The following TRHDE variants were observed in gnomAD, a reference collection of about 807,000 sequenced individuals.
TRHDE encodes the protein thyrotropin releasing hormone degrading enzyme.
In TRHDE, 72 loss-of-function variants were observed where a neutral mutation model predicts 125.7. The observed-to-expected ratio is 0.57, with a 90% CI of 0.47 to 0.70. TRHDE has a LOEUF of 0.70. TRHDE is among the 30% of genes least tolerant of loss of function. The probability of loss-of-function intolerance (pLI) is 0.00; values close to 1 mark genes in which losing one functional copy is unlikely to be tolerated. For missense variants in TRHDE, 1,110 were observed against 1,327.1 expected (o/e 0.84, Z 2.54); for synonymous variants, 509 against 509.1 (o/e 1.00, Z 0.00).
Position 72,193,760 on chromosome 12 carries a change from A to G in TRHDE, n.279+88008A>G, listed in dbSNP as rs1057207039. ...AAATACACAGTATGGTGGAGTTTAA[A>G]AAATGAAAAAAATAAAGAGATATGT... On this transcript the variant is annotated intron_variant and non_coding_transcript_variant, in intron 2 of 4. Coordinates refer to the TRHDE transcript ENST00000548156. 2.0e-5 allele frequency among the ~76,000 whole-genome samples: 3 copies of G among 152,174 alleles called. No individual in the cohort carries two copies. The South Asian group carries it at 6.2e-4, about 31-fold the overall frequency.
chr12:72,364,504 T>A (rs1871262913), intron 2 of TRHDE, among the ~76,000 whole-genome samples: 1 of 152,044 alleles, frequency 6.6e-6, no homozygotes, highest in African/African-American at 2.4e-5. Context: ...GATTTCTACT[T>A]GTTTGGTTCA....
intron 13 of TRHDE, among the ~76,000 whole-genome samples, chr12:72,620,708 T>C (rs1266273126): frequency 6.6e-6 from 1 of 152,162 alleles, no homozygotes; most frequent in Non-Finnish European, 1.5e-5. Flanking sequence ...GCATTAAATA[T>C]GCCTTGTTGA....
intron 17 of TRHDE, among the ~76,000 whole-genome samples, chr12:72,654,418 G>A (rs544450009): frequency 3.7e-4 from 56 of 152,166 alleles, no homozygotes; most frequent in African/African-American, 1.3e-3. Context: ...TGGCATTCAC[G>A]GAGCTCTGTT....
At chr12:72,367,039 T>C (rs1871365500) in intron 2 of TRHDE, among the ~76,000 whole-genome samples, 1 of 152,054 alleles carries the variant, frequency 6.6e-6, no homozygotes, top group South Asian at 2.1e-4. Context: ...GGTTTTGAGG[T>C]AGTTGTGGTT....
chr12:72,486,344 C>T (rs1877406475), intron 5 of TRHDE, among the ~76,000 whole-genome samples: 1 of 152,180 alleles, frequency 6.6e-6, no homozygotes, highest in Admixed American at 6.5e-5. Context: ...TTTCTCTGAT[C>T]ACCTGTGCTT....
chr12:72,357,118 T>A (rs541284221), intron 2 of TRHDE, among the ~76,000 whole-genome samples: 1 of 151,576 alleles, frequency 6.6e-6, no homozygotes, highest in Non-Finnish European at 1.5e-5. Flanking sequence ...CCCAAAGCAA[T>A]TTACAGATTC....
intron 3 of TRHDE, among the ~76,000 whole-genome samples, chr12:72,396,517 G>A (rs935306266): frequency 3.3e-5 from 5 of 152,048 alleles, no homozygotes; most frequent in Admixed American, 6.5e-5. Flanking sequence ...AGGCTGAGGC[G>A]GGTGGATCAT....
chr12:72,582,608 G>C, intron 12 of TRHDE: 2 of 985,414 alleles, frequency 2.0e-6, no homozygotes, highest in South Asian at 9.4e-5. Context: ...ACCCTGGCTA[G>C]ATGAGTAGCA....
chr12:72,428,033 T>C (rs1030850339), intron 3 of TRHDE, among the ~76,000 whole-genome samples: 3 of 152,104 alleles, frequency 2.0e-5, no homozygotes, highest in East Asian at 1.9e-4. Flanking sequence ...TCAGACAACA[T>C]AGAACAAAGA....
intron 2 of TRHDE, among the ~76,000 whole-genome samples, chr12:72,173,629 A>G (rs181491411): frequency 2.6e-5 from 4 of 152,274 alleles, no homozygotes; most frequent in African/African-American, 7.2e-5. Flanking sequence ...CAATACTTCA[A>G]TGGGACTTAA....
chr12:72,211,434 G>A (rs1877779979), intron 2 of TRHDE, among the ~76,000 whole-genome samples: 1 of 152,136 alleles, frequency 6.6e-6, no homozygotes, highest in African/African-American at 2.4e-5. Flanking sequence ...TATTTCTAAT[G>A]ATAAAGAGGA....
chr12:72,273,553 A>T lies in TRHDE; in HGVS notation c.910A>T (p.Arg304Ter). 1.3e-6 allele frequency: 2 copies of T among 1,594,684 alleles called. No individual in the cohort carries two copies. Among genetic ancestry groups the T allele is most frequent in the Non-Finnish European group, 1.7e-6 (2 of 1,175,326 alleles). The change falls in exon 1 of 19, where the codon AGA (arginine) becomes TGA (stop). Residue 304 changes from arginine (R) to a stop codon, truncating the protein, a stop_gained. Transcript: ENST00000261180. LOFTEE classifies it high-confidence loss of function. The surrounding 1 kb of genome is among the most constrained non-coding windows in gnomAD (Gnocchi z 5.3). ...FRSSYVLHGE[R>*]RFLGVTQFSP... ...CAGCTCCTATGTGCTCCACGGGGAG[A>T]GAAGGTATGGAGGGAGGCGGTGCCC...
intron 12 of TRHDE, among the ~76,000 whole-genome samples, chr12:72,594,504 T>TG (rs1555200624): frequency 6.9e-6 from 1 of 145,972 alleles, no homozygotes; most frequent in Non-Finnish European, 1.5e-5. Flanking sequence ...AGATGTGAGT[T>TG]TTTTTTTTTT....
At chr12:72,238,932 G>A (rs1394837711) in intron 2 of TRHDE, among the ~76,000 whole-genome samples, 3 of 152,108 alleles carry the variant, frequency 2.0e-5, no homozygotes, top group Non-Finnish European at 2.9e-5. Flanking sequence ...GGGTCAAATG[G>A]TATTTCTGGT....
intron 2 of TRHDE, among the ~76,000 whole-genome samples, chr12:72,295,047 C>A (rs1254043662): frequency 6.6e-6 from 1 of 150,762 alleles, no homozygotes; most frequent in East Asian, 2.0e-4. Context: ...CCTGGGCCCC[C>A]AAAAGTGCAG....
chr12:72,568,487 C>G, intron 9 of TRHDE, 81 bp from the exon 10 acceptor site: 1 of 971,426 alleles, frequency 1.0e-6, no homozygotes, highest in Non-Finnish European at 1.6e-6. Flanking sequence ...AAAAATCACA[C>G]AGAAGGCGCA....
At chr12:72,442,311 C>A (rs1011058471) in intron 3 of TRHDE, among the ~76,000 whole-genome samples, 1 of 151,752 alleles carries the variant, frequency 6.6e-6, no homozygotes. Context: ...AAAGAGAGGG[C>A]AGAGATACTT....
Position 72,575,435 on chromosome 12 carries a change from A to C in TRHDE, c.2265+47A>C, listed in dbSNP as rs746496599. The C allele has an allele frequency of 9.3e-6, 15 of 1,613,380 alleles. No individual in the cohort carries two copies. In the Admixed American group the frequency reaches 2.5e-4, roughly 27 times the overall value. On this transcript the variant is annotated intron_variant, in intron 11 of 18. Transcript: ENST00000261180. ...CAAAGATAATTTTTGGTATGTGAAC[A>C]CCTACCATTTTAATCCTAAATTATC...
At chr12:72,445,265 A>G (rs1875220630) in intron 3 of TRHDE, among the ~76,000 whole-genome samples, 1 of 151,764 alleles carries the variant, frequency 6.6e-6, no homozygotes, top group Non-Finnish European at 1.5e-5. Flanking sequence ...TTTATCACAT[A>G]TTTTTTAATA....
Sources: gnomAD v4.1 joint callset for allele counts (sites outside exome capture counted in the v4.1 genomes callset) on GRCh38, gnomAD v4.1.1 for gene constraint, Gnocchi (gnomAD v3.1) non-coding constraint, MANE v1.5 for transcripts, NCBI Gene and HGNC (gene_info 2026-07-23, HGNC 2026-07-21) for gene names.